SLC15A5: variants seen among roughly 807,000 people sequenced by gnomAD.
The protein encoded by SLC15A5 is Peptide/histidine transporter ENSP00000340402.
SLC15A5 carries 58 observed loss-of-function variants against 56.1 expected under a neutral mutation model. The observed-to-expected ratio is 1.03, with a 90% confidence interval of 0.84 to 1.29. SLC15A5 has a LOEUF of 1.29. Ranked by LOEUF, SLC15A5 falls within the 50% of genes most tolerant of loss-of-function variation. The pLI is 0.00. For synonymous variants in SLC15A5, 264 were observed against 250.5 expected, an observed-to-expected ratio of 1.05 and a Z score of -0.51; for missense variants, 681 against 672.1, an observed-to-expected ratio of 1.01 and a Z score of -0.15.
chr12:16,231,926 C>T (rs1488816282), intron 5 of SLC15A5, among the ~76,000 whole-genome samples: 3 of 152,148 alleles, frequency 2.0e-5, no homozygotes, highest in African/African-American at 7.2e-5. Context: ...CATATAATAG[C>T]TGGGGGGAGA....
chr12:16,223,104 C>G (rs1565662584), intron 6 of SLC15A5, among the ~76,000 whole-genome samples: 1 of 151,902 alleles, frequency 6.6e-6, no homozygotes. Context: ...TAATGAATTG[C>G]CTTGGTATCA....
At chr12:16,194,636 A>C (rs1290815135) in intron 7 of SLC15A5, among the ~76,000 whole-genome samples, 183 bp from the exon 8 acceptor site, 2 of 152,110 alleles carry the variant, frequency 1.3e-5, no homozygotes, top group African/African-American at 4.8e-5. Context: ...ATGATAAGCA[A>C]AGCACCCCAA....
intron 7 of SLC15A5, among the ~76,000 whole-genome samples, chr12:16,208,354 C>T (rs1325545126): frequency 6.6e-6 from 1 of 152,088 alleles, no homozygotes; most frequent in Non-Finnish European, 1.5e-5. Flanking sequence ...GTATTCTTAT[C>T]AGAAAAATAC....
rs1005005232 is a variant in SLC15A5 at position 16,271,642 on chromosome 12, C to T, written c.584+919G>A. ...CCTCGGATAGCTACATATGCCTATA[C>T]ATACACATATAGACACTATTTACTC... On this transcript the variant is annotated intron_variant, in intron 2 of 8. Transcript: ENST00000344941. This position sits in a 1 kb window ranked among gnomAD's most constrained non-coding sequence, Gnocchi z 8.0. Among the ~76,000 whole-genome samples, 3 of 152,200 alleles carry T rather than the reference C, an allele frequency of 2.0e-5. No individual in the cohort carries two copies. In the East Asian group the frequency reaches 5.8e-4, roughly 29 times the overall value.
chr12:16,188,592 C>G lies in SLC15A5; in HGVS notation c.*1076G>C, dbSNP rs1863810623. 6.6e-6 allele frequency: 1 copy of G among 152,178 alleles called. No individual in the cohort carries two copies. Among genetic ancestry groups the G allele is most frequent in the African/African-American group, 2.4e-5 (1 of 41,448 alleles). The allele number at this position is 152,178 out of a possible 1,614,324, so 9.4% of individuals were successfully genotyped here. A position where few individuals can be genotyped will look rare whatever the true frequency, so the allele number is the denominator to read the frequency against. On this transcript the variant is annotated 3_prime_UTR_variant, in exon 9 of 9. Coordinates refer to ENST00000344941, the MANE Select transcript of SLC15A5 (RefSeq NM_001170798.1). ...GCAGTCAGCTGATAAACTCACCTGT[C>G]CTATCCAACATGAATTGTCCTGGAA...
intron 1 of SLC15A5, among the ~76,000 whole-genome samples, chr12:16,273,736 AT>A (rs34600919): frequency 0.28 from 40,055 of 143,954 alleles, 6,741 homozygotes; most frequent in African/African-American, 0.48. Flanking sequence ...AGTCAAATAA[AT>A]TTTTTTTTTT....
At chr12:16,246,245 C>T (rs1379038255) in intron 3 of SLC15A5, among the ~76,000 whole-genome samples, 1 of 152,190 alleles carries the variant, frequency 6.6e-6, no homozygotes, top group Admixed American at 6.6e-5. Context: ...GGCCCAGGTA[C>T]TGGTAAGGCC....
chr12:16,194,544 G>A (rs905220602), intron 7 of SLC15A5, 91 bp from the exon 8 acceptor site: 4 of 822,662 alleles, frequency 4.9e-6, no homozygotes, highest in East Asian at 2.9e-5. Context: ...AGCTTTGTTC[G>A]CTTCAGTAAT....
intron 7 of SLC15A5, among the ~76,000 whole-genome samples, chr12:16,205,609 A>C (rs1445865953): frequency 8.7e-6 from 1 of 115,558 alleles, no homozygotes; most frequent in Non-Finnish European, 1.9e-5. Context: ...ACACACACAC[A>C]CATATATATA....
chr12:16,241,358 C>T (rs1173677353), intron 4 of SLC15A5, among the ~76,000 whole-genome samples: 4 of 152,140 alleles, frequency 2.6e-5, no homozygotes, highest in African/African-American at 9.7e-5. Flanking sequence ...CTCAATTGTA[C>T]AATTCAAGAG....
intron 4 of SLC15A5, 85 bp downstream of exon 4, chr12:16,244,495 T>A: frequency 8.0e-7 from 1 of 1,246,054 alleles, no homozygotes; most frequent in South Asian, 1.3e-5. Context: ...AAAGCGCTCG[T>A]TGGGGAGAAA....
At chr12:16,276,233 A>G (rs77133191) in intron 1 of SLC15A5, among the ~76,000 whole-genome samples, 5,282 of 151,974 alleles carry the variant, frequency 0.035, 220 homozygotes, top group East Asian at 0.17. Flanking sequence ...TTAAACTCCA[A>G]TGGATTCTCT....
intron 7 of SLC15A5, among the ~76,000 whole-genome samples, chr12:16,205,949 T>A (rs1864014621): frequency 6.6e-6 from 1 of 152,326 alleles, no homozygotes; most frequent in East Asian, 1.9e-4. Flanking sequence ...TAAATTTTTT[T>A]AAGTTATTTT....
chr12:16,254,871 T>C (rs1172982170), intron 3 of SLC15A5, among the ~76,000 whole-genome samples: 1 of 152,148 alleles, frequency 6.6e-6, no homozygotes, highest in Non-Finnish European at 1.5e-5. Flanking sequence ...GAGAGATTTA[T>C]TAAGTGACAC....
At chr12:16,197,837 T>A (rs1226886314) in intron 7 of SLC15A5, among the ~76,000 whole-genome samples, 2 of 152,144 alleles carry the variant, frequency 1.3e-5, no homozygotes, top group African/African-American at 4.8e-5. Flanking sequence ...TTAGGTACTA[T>A]AACTTTATTT....
At chr12:16,220,455 C>A (rs1322076965) in intron 6 of SLC15A5, among the ~76,000 whole-genome samples, 5 of 152,228 alleles carry the variant, frequency 3.3e-5, no homozygotes, top group Non-Finnish European at 5.9e-5. Flanking sequence ...GATCTCCAAT[C>A]TACCTCAGCT....
intron 7 of SLC15A5, among the ~76,000 whole-genome samples, chr12:16,195,670 A>G (rs1180997294): frequency 1.3e-5 from 2 of 152,118 alleles, no homozygotes; most frequent in Non-Finnish European, 2.9e-5. Flanking sequence ...ACTGGGCTTC[A>G]GTACCATCTT....
At chr12:16,264,376 G>A (rs1400391742) in intron 2 of SLC15A5, among the ~76,000 whole-genome samples, 2 of 152,180 alleles carry the variant, frequency 1.3e-5, no homozygotes, top group Non-Finnish European at 2.9e-5. Flanking sequence ...CCCAATACCT[G>A]TACCCCCATT....
At chr12:16,268,958 A>G (rs1671479) in intron 2 of SLC15A5, among the ~76,000 whole-genome samples, 144,264 of 151,868 alleles carry the variant, frequency 0.95, 68,570 homozygotes, top group South Asian at 0.97. Context: ...TAGGGGTGGA[A>G]CCCTTCTGAA....
Sources: gnomAD v4.1 joint callset for allele counts (sites outside exome capture counted in the v4.1 genomes callset) on GRCh38, gnomAD v4.1.1 for gene constraint, Gnocchi (gnomAD v3.1) non-coding constraint, MANE v1.5 for transcripts, NCBI Gene and HGNC (gene_info 2026-07-23, HGNC 2026-07-21) for gene names.